The following FSTL4 variants were observed in gnomAD, a reference collection of about 807,000 sequenced individuals.
FSTL4 encodes follistatin like 4.
Under a neutral mutation model 78.2 loss-of-function variants are expected in FSTL4, and 28 were observed. That is an observed-to-expected ratio of 0.36 (90% CI 0.27 to 0.49). The LOEUF is 0.49. Ranked by LOEUF, FSTL4 falls within the 20% of genes least tolerant of loss-of-function variation. The pLI is 0.98. For missense variants in FSTL4, 922 were observed against 1,084.9 expected, an observed-to-expected ratio of 0.85 and a Z score of 2.11; for synonymous variants, 422 against 440.5, an observed-to-expected ratio of 0.96 and a Z score of 0.53.
chr5:133,345,822 G>C (rs188161613), intron 4 of FSTL4, among the ~76,000 whole-genome samples: 7 of 152,326 alleles, frequency 4.6e-5, no homozygotes, highest in Admixed American at 4.6e-4. Context: ...CATTGTGAAA[G>C]ACAGTGTGGC....
At chr5:133,255,658 A>T (rs1752363707) in intron 6 of FSTL4, among the ~76,000 whole-genome samples, 1 of 152,244 alleles carries the variant, frequency 6.6e-6, no homozygotes, top group Admixed American at 6.5e-5. Flanking sequence ...CCAGTGCAGT[A>T]GCATACCCTT....
chr5:133,272,423 C>T (rs915966810), intron 6 of FSTL4, among the ~76,000 whole-genome samples: 11 of 152,198 alleles, frequency 7.2e-5, no homozygotes, highest in South Asian at 4.1e-4. Flanking sequence ...AGGAGGCACG[C>T]GCGTGCAGCG....
the FSTL4 span, among the ~76,000 whole-genome samples, chr5:133,685,368 C>T: frequency 0.34 from 51,756 of 151,988 alleles, 9,078 homozygotes; most frequent in East Asian, 0.4. Flanking sequence ...GGTCCTTGGC[C>T]AGCTGCGTTG....
intron 3 of FSTL4, among the ~76,000 whole-genome samples, chr5:133,409,690 C>T (rs1756440207): frequency 6.6e-6 from 1 of 152,212 alleles, no homozygotes; most frequent in Non-Finnish European, 1.5e-5. Context: ...GAGCTCAGCA[C>T]CAGGCCTGGC....
chr5:133,441,823 T>C (rs1020965616), intron 3 of FSTL4, among the ~76,000 whole-genome samples: 1 of 152,188 alleles, frequency 6.6e-6, no homozygotes, highest in Non-Finnish European at 1.5e-5. Context: ...ACTGGCTACC[T>C]GGCAAGCCCA....
At chr5:133,326,797 C>T (rs1028086315) in intron 4 of FSTL4, among the ~76,000 whole-genome samples, 5 of 152,208 alleles carry the variant, frequency 3.3e-5, no homozygotes, top group Non-Finnish European at 7.3e-5. Context: ...AGACTGCTCC[C>T]AGCATCTTTG....
intron 8 of FSTL4, among the ~76,000 whole-genome samples, chr5:133,233,099 G>A (rs1751543285): frequency 1.3e-5 from 2 of 152,268 alleles, no homozygotes; most frequent in Admixed American, 1.3e-4. Context: ...CACCAGCACT[G>A]TGTTGCCTAA....
intron 4 of FSTL4, among the ~76,000 whole-genome samples, chr5:133,345,950 T>C (rs1306231115): frequency 6.6e-6 from 1 of 152,236 alleles, no homozygotes; most frequent in Non-Finnish European, 1.5e-5. Flanking sequence ...CATGTATGTT[T>C]ATTGCGCCAC....
At chr5:133,576,082 C>T (rs1213376993) in intron 2 of FSTL4, among the ~76,000 whole-genome samples, 2 of 152,052 alleles carry the variant, frequency 1.3e-5, no homozygotes, top group African/African-American at 4.8e-5. Flanking sequence ...AGTTAAACTA[C>T]ACAATCCTTA....
chr5:133,198,865 A>T lies in FSTL4; in HGVS notation c.*230T>A. Reference sequence around the variant, plus strand: ...AGAAATGATCCCTTTACACAGCAGCATATGTTCTCATCGTAGCTCAAGGCA... The same window carrying T: ...AGAAATGATCCCTTTACACAGCAGCTTATGTTCTCATCGTAGCTCAAGGCA... On this transcript the variant is annotated 3_prime_UTR_variant, in exon 16 of 16. Transcript: ENST00000265342. 2.2e-6 allele frequency: 1 copy of T among 445,510 alleles called. No individual in the cohort carries two copies. Among genetic ancestry groups the T allele is most frequent in the Non-Finnish European group, 4.0e-6 (1 of 251,808 alleles). 27.6% of individuals were successfully genotyped at this position (445,510 alleles called of 1,614,324 possible).
chr5:133,594,934 A>G (rs998002357), intron 2 of FSTL4, among the ~76,000 whole-genome samples: 8 of 152,344 alleles, frequency 5.3e-5, no homozygotes, highest in African/African-American at 1.4e-4. Flanking sequence ...TGACATTTTA[A>G]AAGAGTAGTT....
chr5:133,823,199 C>T, the FSTL4 span, among the ~76,000 whole-genome samples: 1 of 152,156 alleles, frequency 6.6e-6, no homozygotes, highest in African/African-American at 2.4e-5. Flanking sequence ...ACCAGGTGCT[C>T]CTGGGCCATT....
intron 3 of FSTL4, among the ~76,000 whole-genome samples, chr5:133,430,041 T>G (rs561785847): frequency 6.6e-6 from 1 of 152,228 alleles, no homozygotes; most frequent in African/African-American, 2.4e-5. Context: ...TGAGAAAGAT[T>G]GGACAGCCAT....
intron 3 of FSTL4, among the ~76,000 whole-genome samples, chr5:133,548,262 C>T (rs2112925992): frequency 6.6e-6 from 1 of 152,250 alleles, no homozygotes; most frequent in South Asian, 2.1e-4. Context: ...AATTTATAGT[C>T]AGTAGGTCAG....
intron 3 of FSTL4, among the ~76,000 whole-genome samples, chr5:133,505,956 G>A (rs186607451): frequency 1.2e-3 from 184 of 152,306 alleles, no homozygotes; most frequent in East Asian, 7.5e-3. Flanking sequence ...TCTTCAAGTA[G>A]GTTTATTTAA....
intron 14 of FSTL4, 46 bp from the exon 15 acceptor site, chr5:133,202,088 G>C (rs1295991544): frequency 2.3e-6 from 3 of 1,299,848 alleles, no homozygotes; most frequent in Non-Finnish European, 3.3e-6. Flanking sequence ...TGCAGGTGGG[G>C]GCTGAACCTG....
At chr5:133,564,090 T>C (rs1275102090) in intron 3 of FSTL4, among the ~76,000 whole-genome samples, 2 of 152,112 alleles carry the variant, frequency 1.3e-5, no homozygotes, top group Non-Finnish European at 2.9e-5. Context: ...GCTCATGGTG[T>C]TTGCCAGCAA....
At chr5:133,580,953 A>G (rs2112957838) in intron 2 of FSTL4, among the ~76,000 whole-genome samples, 1 of 151,896 alleles carries the variant, frequency 6.6e-6, no homozygotes, top group African/African-American at 2.4e-5. Context: ...TCCTACCCAC[A>G]CTCATGAACC....
At chr5:133,226,789 G>A (rs1042123374) in intron 8 of FSTL4, among the ~76,000 whole-genome samples, 4 of 152,200 alleles carry the variant, frequency 2.6e-5, no homozygotes, top group African/African-American at 9.7e-5. Context: ...GTTAAAGAAA[G>A]CATCCCAGTA....
Sources: gnomAD v4.1 joint callset for allele counts (sites outside exome capture counted in the v4.1 genomes callset) on GRCh38, gnomAD v4.1.1 for gene constraint, MANE v1.5 for transcripts, NCBI Gene and HGNC (gene_info 2026-07-23, HGNC 2026-07-21) for gene names.